Variants in SYNE1 observed in about 807,000 individuals in gnomAD.
The protein encoded by SYNE1 is nesprin-1.
SYNE1 carries 616 observed loss-of-function variants against 1,111.0 expected under a neutral mutation model. That is an observed-to-expected ratio of 0.55 (90% confidence interval 0.52 to 0.59). The LOEUF is 0.59. Among genes scored for constraint, SYNE1 ranks in the 20% least tolerant of loss-of-function variants. SYNE1 has a pLI of 0.00. For missense variants in SYNE1, 10,006 were observed against 10,417.0 expected (o/e 0.96, Z 1.72); for synonymous variants, 3,855 against 3,825.8 (o/e 1.01, Z -0.28).
chr6:152,242,558 G>A, intron 106 of SYNE1, 118 bp from the exon 107 acceptor site: 1 of 1,060,418 alleles, frequency 9.4e-7, no homozygotes, highest in South Asian at 1.3e-5. Context: ...CTTCAGGGAT[G>A]TGCCTCCTGG....
intron 5 of SYNE1, among the ~76,000 whole-genome samples, chr6:152,524,264 C>T (rs541321330): frequency 5.5e-4 from 83 of 152,174 alleles, no homozygotes; most frequent in African/African-American, 1.9e-3. Flanking sequence ...TTAAAAGATG[C>T]TAGATTTTAT....
chr6:152,445,443 T>C (rs1288060890), intron 29 of SYNE1, among the ~76,000 whole-genome samples: 2 of 152,090 alleles, frequency 1.3e-5, no homozygotes, highest in African/African-American at 4.8e-5. Flanking sequence ...CCAACATCCT[T>C]TGTTTTCGAA....
chr6:152,338,420 G>A (rs1017431483), intron 75 of SYNE1, among the ~76,000 whole-genome samples: 3 of 152,012 alleles, frequency 2.0e-5, no homozygotes, highest in Non-Finnish European at 2.9e-5. Flanking sequence ...CCAGGAGTTC[G>A]AGACCAGCCT....
chr6:152,534,170 A>AATGAATG (rs1564693542), intron 4 of SYNE1, among the ~76,000 whole-genome samples: 36 of 146,194 alleles, frequency 2.5e-4, no homozygotes, highest in African/African-American at 8.8e-4. Context: ...AAAAATAAAT[A>AATGAATG]AATGAATGAA....
At chr6:152,214,836 T>G in intron 122 of SYNE1, 70 bp downstream of exon 122, 1 of 1,568,828 alleles carries the variant, frequency 6.4e-7, no homozygotes, top group Non-Finnish European at 8.8e-7. Flanking sequence ...CATTCTGTAG[T>G]ATTTTGACAT....
chr6:152,416,668 G>C lies in SYNE1; in HGVS notation c.5769C>G (p.Ala1923=). Residue 1923 remains alanine, a synonymous_variant, in exon 41 of 146, where the codon GCC becomes GCG. Transcript: ENST00000367255. ...TGGAAAGAATGCCATCCAGACTGACGGCAGCAGATTCTAATGCTTTAGCAT... is the reference window on the plus strand; with the variant it reads ...TGGAAAGAATGCCATCCAGACTGACCGCAGCAGATTCTAATGCTTTAGCAT... ...LQNAKALESA[A]VSLDGILSKA... is the part of the protein sequence containing the mutation. 6.2e-7 allele frequency: 1 copy of C among 1,614,164 alleles called. No homozygotes were observed. The highest frequency in any genetic ancestry group is 1.6e-4 in the Middle Eastern group (1 of 6,062).
At chr6:152,390,834 G>C (rs1355678197) in intron 52 of SYNE1, among the ~76,000 whole-genome samples, 5 of 152,152 alleles carry the variant, frequency 3.3e-5, no homozygotes, top group Non-Finnish European at 7.4e-5. Context: ...ATTGGCTATA[G>C]TCTGGGTTGG....
At chr6:152,453,098 T>C (rs2098664653) in intron 25 of SYNE1, among the ~76,000 whole-genome samples, 1 of 152,220 alleles carries the variant, frequency 6.6e-6, no homozygotes, top group Non-Finnish European at 1.5e-5. Flanking sequence ...ACTCTTAAGC[T>C]CTTGGGGGGA....
intron 105 of SYNE1, 31 bp from the exon 106 acceptor site, chr6:152,244,687 C>T (rs774065891): frequency 1.5e-5 from 24 of 1,613,278 alleles, no homozygotes; most frequent in Non-Finnish European, 1.9e-5. Flanking sequence ...TTTATTAAAA[C>T]TCCCATGAAC....
Position 152,391,571 on chromosome 6 carries a change from G to GA in SYNE1, c.7713-4dup, listed in dbSNP as rs762687647. 8.6e-6 allele frequency: 8 copies of GA among 934,820 alleles called. No homozygotes were observed. The East Asian group carries it at 2.5e-4, about 29-fold the overall frequency. The allele number at this position is 934,820 out of a possible 1,614,324, so 57.9% of individuals were successfully genotyped here. A position where few individuals can be genotyped will look rare whatever the true frequency, so the allele number is the denominator to read the frequency against. Reference sequence around the variant, plus strand: ...GGGAAAGCTTATCAAGAGACTCTCTGAAAAAAAGGAAAAAAAAAAAAAAGA... The same window carrying GA: ...GGGAAAGCTTATCAAGAGACTCTCTGAAAAAAAAGGAAAAAAAAAAAAAAGA... On this transcript the variant is annotated splice_polypyrimidine_tract_variant and splice_region_variant and intron_variant, in intron 51 of 145. Coordinates refer to ENST00000367255, the MANE Select transcript of SYNE1 (RefSeq NM_182961.4).
intron 126 of SYNE1, among the ~76,000 whole-genome samples, chr6:152,203,792 C>A (rs765885252): frequency 6.6e-6 from 1 of 151,986 alleles, no homozygotes; most frequent in Non-Finnish European, 1.5e-5. Flanking sequence ...CTTCATAGAA[C>A]TTCTTAGAGT....
intron 121 of SYNE1, among the ~76,000 whole-genome samples, chr6:152,217,084 C>T (rs867355303): frequency 4.6e-5 from 6 of 130,468 alleles, no homozygotes; most frequent in African/African-American, 1.7e-4. Context: ...AAATTCACAA[C>T]TAAGTAAAAC....
At chr6:152,223,590 T>A (rs537559638) in intron 117 of SYNE1, among the ~76,000 whole-genome samples, 1 of 148,582 alleles carries the variant, frequency 6.7e-6, no homozygotes, top group African/African-American at 2.5e-5. Context: ...TGCACTCCAG[T>A]CTGGGCGACA....
At chr6:152,169,618 A>C (rs2064630034) in intron 130 of SYNE1, among the ~76,000 whole-genome samples, 2 of 117,726 alleles carry the variant, frequency 1.7e-5, no homozygotes, top group Non-Finnish European at 1.7e-5. Flanking sequence ...ACAAAGTGAC[A>C]CCTCATCTCA....
rs143371437 is a variant in SYNE1, at chr6:152,304,619, C to T, written c.17347-2556G>A. Among the ~76,000 whole-genome samples the T allele has an allele frequency of 1.6e-4, 25 of 152,218 alleles. No homozygotes were observed. In the East Asian group the frequency reaches 3.9e-3, roughly 24 times the overall value. On this transcript the variant is annotated intron_variant, in intron 91 of 145. Transcript: ENST00000367255. ...GATTACAGGCGTGAGCCACCATGCC[C>T]GGCAATTTGAGGAATCTTTATGAAG...
At position 152,575,096 on chromosome 6, in the gene SYNE1, A is replaced by G. The variant is rs1047294412; in HGVS notation, c.68-35075T>C. Among the ~76,000 whole-genome samples the G allele has an allele frequency of 3.9e-5, 6 of 152,226 alleles. No individual in the cohort carries two copies. In the East Asian group the frequency reaches 1.2e-3, roughly 29 times the overall value. ...CTATAATCCCATCCCTGAATGACAC[A>G]TGATGGTGGTGGGTACAGTTGATGA... On this transcript the variant is annotated intron_variant, in intron 3 of 145. Coordinates refer to ENST00000367255, the MANE Select transcript of SYNE1 (RefSeq NM_182961.4).
chr6:152,471,326 T>A (rs1421033944), intron 16 of SYNE1, among the ~76,000 whole-genome samples: 1 of 152,020 alleles, frequency 6.6e-6, no homozygotes, highest in African/African-American at 2.4e-5. Flanking sequence ...TTTTTAAAAA[T>A]CAATAAAGCC....
intron 121 of SYNE1, among the ~76,000 whole-genome samples, chr6:152,217,409 GA>G (rs34685676): frequency 1.6e-4 from 23 of 145,382 alleles, no homozygotes; most frequent in African/African-American, 2.3e-4. Context: ...AAAAAAAAAA[GA>G]AAAAAAAATT....
At chr6:152,604,825 G>C (rs1335236597) in intron 3 of SYNE1, among the ~76,000 whole-genome samples, 1 of 150,332 alleles carries the variant, frequency 6.7e-6, no homozygotes, top group Non-Finnish European at 1.5e-5. Flanking sequence ...GTGGTGGTGT[G>C]TGCCTGTAGT....
Sources: gnomAD v4.1 joint callset for allele counts (sites outside exome capture counted in the v4.1 genomes callset) on GRCh38, gnomAD v4.1.1 for gene constraint, MANE v1.5 for transcripts, NCBI Gene and HGNC (gene_info 2026-07-23, HGNC 2026-07-21) for gene names.